SPG11: variants seen among roughly 807,000 people sequenced by gnomAD.
SPG11 encodes SPG11 vesicle trafficking associated, spatacsin.
In SPG11, 222 loss-of-function variants were observed where a neutral mutation model predicts 274.0. That is an observed-to-expected ratio of 0.81 (90% CI 0.73 to 0.91). The LOEUF is 0.91. Ranked by LOEUF, SPG11 falls within the 40% of genes least tolerant of loss-of-function variation. The pLI, the probability that SPG11 is intolerant of heterozygous loss-of-function variation, is 0.00. For missense variants in SPG11, 3,114 were observed against 2,872.7 expected, an observed-to-expected ratio of 1.08 and a Z score of -1.92; for synonymous variants, 1,144 against 1,039.7, an observed-to-expected ratio of 1.10 and a Z score of -1.93.
chr15:44,567,576 G>C lies in SPG11; in HGVS notation c.6602C>G (p.Thr2201Arg). ...KKLDPSGTLK[T>R]ALLDYIKRCR... ...GCGTTTGATGTAGTCCAGCAGGGCT[G>C]TTTTCAGGGTACCACTCTGCCCAGA... Residue 2201 changes from threonine to arginine, a missense_variant, in exon 36 of 40, where the codon ACA becomes AGA. Physicochemically the swap from Thr to Arg is moderately conservative, Grantham distance 71 (BLOSUM62 -1). Coordinates refer to ENST00000261866, the MANE Select transcript of SPG11 (RefSeq NM_025137.4). 1 of 1,614,000 alleles carries C rather than the reference G, an allele frequency of 6.2e-7. No individual in the cohort carries two copies. The highest frequency in any genetic ancestry group is 8.5e-7 in the Non-Finnish European group (1 of 1,179,960).
chr15:44,660,954 T>C (rs1283684574), intron 1 of SPG11, among the ~76,000 whole-genome samples: 2 of 152,208 alleles, frequency 1.3e-5, no homozygotes, highest in Non-Finnish European at 2.9e-5. Context: ...CAACAAAATA[T>C]GTATATTATT....
At chr15:44,635,707 A>G (rs2084225819) in intron 7 of SPG11, among the ~76,000 whole-genome samples, 1 of 151,482 alleles carries the variant, frequency 6.6e-6, no homozygotes, top group East Asian at 1.9e-4. Flanking sequence ...ACCTAAGGTC[A>G]GGAGTTCAAG....
At chr15:44,585,110 T>G (rs533298989) in intron 29 of SPG11, among the ~76,000 whole-genome samples, 3 of 152,098 alleles carry the variant, frequency 2.0e-5, no homozygotes, top group African/African-American at 7.2e-5. Context: ...TTGTAGCATA[T>G]CCTACAAACT....
At chr15:44,622,517 T>C (rs2083782205) in intron 12 of SPG11, 170 bp from the exon 13 acceptor site, 8 of 756,172 alleles carry the variant, frequency 1.1e-5, no homozygotes, top group African/African-American at 8.8e-5. Flanking sequence ...AGTTAATGTA[T>C]GTTAACACAA....
At position 44,564,538 on chromosome 15, in the gene SPG11, A is replaced by G. The variant is rs1301085412; in HGVS notation, c.7151+9T>C. The G allele has an allele frequency of 6.2e-7, 1 of 1,613,164 alleles. No homozygotes were observed. Among genetic ancestry groups the G allele is most frequent in the African/African-American group, 1.3e-5 (1 of 74,894 alleles). ...GGAGCAATGTTTACAGTCAACTTTT[A>G]ATACTTACTTTTTGGAAATCTCTTC... is the stretch of plus-strand genomic sequence containing the variant. On this transcript the variant is annotated intron_variant, in intron 39 of 39. Coordinates refer to ENST00000261866, the MANE Select transcript of SPG11 (RefSeq NM_025137.4).
chr15:44,576,142 C>CAAA (rs201558800), intron 30 of SPG11, among the ~76,000 whole-genome samples: 16 of 43,060 alleles, frequency 3.7e-4, no homozygotes, highest in East Asian at 7.1e-4. Flanking sequence ...AACTCCATCT[C>CAAA]AAAAAAAAAA....
Position 44,597,234 on chromosome 15 carries a change from C to T in SPG11, c.4002-291G>A, listed in dbSNP as rs1418041827. The T allele has an allele frequency of 3.4e-5, 11 of 318,860 alleles. No individual in the cohort carries two copies. The Admixed American group carries it at 4.6e-4, about 13-fold the overall frequency. 19.8% of individuals were successfully genotyped at this position (318,860 alleles called of 1,614,324 possible). A position where few individuals can be genotyped will look rare whatever the true frequency, so the allele number is the denominator to read the frequency against. On this transcript the variant is annotated intron_variant, in intron 23 of 39. Coordinates refer to ENST00000261866, the MANE Select transcript of SPG11 (RefSeq NM_025137.4). ...GTTCAAGCAGTTCTCCTGTCTCAGC[C>T]TCCGAGTAGCTGGGATTACAGGCAT...
Position 44,636,013 on chromosome 15 carries a change from C to T in SPG11, c.1603-2376G>A, listed in dbSNP as rs888909846. On this transcript the variant is annotated intron_variant, in intron 7 of 39. Transcript: ENST00000261866. ...ATTTGTCAAGCTGTGGACTGCAAAA[C>T]CCTGCCCCTAGACCTTCTAATTCAA... Among the ~76,000 whole-genome samples, 15 of 152,124 alleles carry T rather than the reference C, an allele frequency of 9.9e-5. 1 individual carries two copies. The highest frequency in any genetic ancestry group is 7.9e-4 in the Admixed American group (12 of 15,258).
Position 44,648,348 on chromosome 15 carries a change from C to T in SPG11, c.1602+518G>A, listed in dbSNP as rs186234948. Among the ~76,000 whole-genome samples the T allele has an allele frequency of 1.8e-3, 280 of 151,876 alleles. 1 individual carries two copies. Among genetic ancestry groups the T allele is most frequent in the South Asian group, 0.012 (57 of 4,816 alleles). ...CCAACATGGCAAAACCCTGCCTCTA[C>T]CAAAAAATACAAAAATTAGCTGGAC... On this transcript the variant is annotated intron_variant, in intron 7 of 39. Coordinates refer to ENST00000261866, the MANE Select transcript of SPG11 (RefSeq NM_025137.4).
chr15:44,629,024 C>G (rs1279520017), intron 9 of SPG11, among the ~76,000 whole-genome samples, 180 bp from the exon 10 acceptor site: 1 of 152,136 alleles, frequency 6.6e-6, no homozygotes, highest in African/African-American at 2.4e-5. Context: ...TAACCCTTTC[C>G]TTTTCTTGTC....
At chr15:44,663,331 C>T (rs1156427577) in intron 1 of SPG11, 60 bp downstream of exon 1, 4 of 1,568,000 alleles carry the variant, frequency 2.6e-6, no homozygotes, top group African/African-American at 2.7e-5. Flanking sequence ...CCTTGGGGCT[C>T]AGTCAGCCGA....
intron 16 of SPG11, among the ~76,000 whole-genome samples, chr15:44,614,962 T>G (rs2083556244): frequency 6.6e-6 from 1 of 152,230 alleles, no homozygotes; most frequent in Non-Finnish European, 1.5e-5. Flanking sequence ...TTTTAGAGCA[T>G]ATCTAATATA....
At position 44,663,420 on chromosome 15, in the gene SPG11, A is replaced by C. The variant is rs1595944880; in HGVS notation, c.228T>G (p.Gly76=). 2 of 1,604,020 alleles carry C rather than the reference A, an allele frequency of 1.2e-6. No homozygotes were observed. The highest frequency in any genetic ancestry group is 2.2e-5 in the South Asian group (2 of 89,758). ...LSLTPGSRGG[G]RCCLEGPFWH... ...AGAAGGGGCCCTCCAGGCAGCAGCG[A>C]CCCCCGCCCCGGCTGCCAGGCGTCA... The change falls in exon 1 of 40, where the codon GGT becomes GGG. Residue 76 remains glycine (G), a synonymous_variant. Coordinates refer to ENST00000261866, the MANE Select transcript of SPG11 (RefSeq NM_025137.4).
In SPG11 at chr15:44,613,419, T is replaced by C. The variant is rs750642025; in HGVS notation, c.3145+11A>G. The stretch of plus-strand genomic sequence containing the variant: ...AAGCAAGTTTCTGTGTTTAATACAG[T>C]ATACCCATACCTGTTAAGTTACTGG... On this transcript the variant is annotated intron_variant, in intron 17 of 39. Coordinates refer to ENST00000261866, the MANE Select transcript of SPG11 (RefSeq NM_025137.4). 6.4e-7 allele frequency: 1 copy of C among 1,562,934 alleles called. No homozygotes were observed. The highest frequency in any genetic ancestry group is 8.8e-7 in the Non-Finnish European group (1 of 1,133,542).
chr15:44,609,142 T>C (rs1567160005), intron 18 of SPG11, among the ~76,000 whole-genome samples: 1 of 152,142 alleles, frequency 6.6e-6, no homozygotes, highest in Non-Finnish European at 1.5e-5. Flanking sequence ...AACATTCTTT[T>C]TTTTTTGAGA....
chr15:44,630,232 C>G (rs531995118), intron 8 of SPG11, among the ~76,000 whole-genome samples: 1 of 152,162 alleles, frequency 6.6e-6, no homozygotes, highest in African/African-American at 2.4e-5. Context: ...GCACTCCTCC[C>G]GCTGCCCCCC....
rs986892540 is a variant in SPG11 at position 44,570,315 on chromosome 15, C to T, written c.6477+210G>A. 1.2e-4 allele frequency among the ~76,000 whole-genome samples: 18 copies of T among 152,160 alleles called. 1 individual carries two copies. Among genetic ancestry groups the T allele is most frequent in the Non-Finnish European group, 2.1e-4 (14 of 68,032 alleles). On this transcript the variant is annotated intron_variant, in intron 34 of 39. Transcript: ENST00000261866. The stretch of plus-strand genomic sequence containing the variant: ...CCTGGAACCTGGGAGGGATCTTCTC[C>T]CTTTCGCTCCTTTGGAGCAACCTCT...
chr15:44,595,501 C>A, intron 25 of SPG11, 42 bp from the exon 26 acceptor site: 1 of 1,586,844 alleles, frequency 6.3e-7, no homozygotes, highest in Non-Finnish European at 8.6e-7. Flanking sequence ...CCTGGATTAC[C>A]TGGCAAATGT....
In SPG11 at chr15:44,660,580, T is replaced by C; in HGVS notation, c.294A>G (p.Pro98=). Residue 98 remains proline, a synonymous_variant, in exon 2 of 40, where the codon CCA becomes CCG. Transcript: ENST00000261866. ...LWEDSRNSST[P]TEKPKLLALG... The stretch of plus-strand genomic sequence containing the variant: ...GAGCGAGCAGTTTGGGCTTTTCAGT[T>C]GGTGTGCTGCTGTTACGAGAATCCT... The C allele has an allele frequency of 1.2e-6, 2 of 1,614,180 alleles. No homozygotes were observed. The highest frequency in any genetic ancestry group is 1.7e-6 in the Non-Finnish European group (2 of 1,180,022).
Sources: gnomAD v4.1 joint callset for allele counts (sites outside exome capture counted in the v4.1 genomes callset) on GRCh38, gnomAD v4.1.1 for gene constraint, MANE v1.5 for transcripts, NCBI Gene and HGNC (gene_info 2026-07-23, HGNC 2026-07-21) for gene names.